Variants in CRAMP1 observed in about 807,000 individuals in gnomAD.
The protein encoded by CRAMP1 is protein cramped-like.
CRAMP1 carries 50 observed loss-of-function variants against 115.4 expected under a neutral mutation model. That is an observed-to-expected ratio of 0.43 (90% CI 0.35 to 0.55). The LOEUF (loss-of-function observed/expected upper bound fraction) is 0.55, where lower values mean the gene tolerates loss of function less well. Ranked by LOEUF, CRAMP1 falls within the 20% of genes least tolerant of loss-of-function variation. CRAMP1 has a pLI of 0.01. For synonymous variants in CRAMP1, 866 were observed against 745.4 expected (o/e 1.16, Z -2.64); for missense variants, 1,679 against 1,721.7 (o/e 0.98, Z 0.44).
At chr16:1,615,209 T>G (rs2036408171) in intron 2 of CRAMP1, among the ~76,000 whole-genome samples, 1 of 152,242 alleles carries the variant, frequency 6.6e-6, no homozygotes, top group Non-Finnish European at 1.5e-5. Flanking sequence ...GTGAGTATCC[T>G]TTTTTGGGGG....
chr16:1,633,460 C>G, intron 4 of CRAMP1, among the ~76,000 whole-genome samples: 1 of 152,272 alleles, frequency 6.6e-6, no homozygotes, highest in Admixed American at 6.5e-5. Context: ...GGGTCTGCCG[C>G]CGATGCGGTT....
At chr16:1,646,689 T>C (rs763390736) in intron 6 of CRAMP1, among the ~76,000 whole-genome samples, 1 of 152,246 alleles carries the variant, frequency 6.6e-6, no homozygotes, top group Non-Finnish European at 1.5e-5. Context: ...GTCACTGTTT[T>C]CTTCTATGGT....
At chr16:1,615,370 A>C (rs1192315985) in intron 2 of CRAMP1, among the ~76,000 whole-genome samples, 1 of 152,184 alleles carries the variant, frequency 6.6e-6, no homozygotes, top group African/African-American at 2.4e-5. Context: ...CAGGCGGTGG[A>C]AATGCACCAA....
At chr16:1,667,007 A>G (rs201751963) in intron 16 of CRAMP1, among the ~76,000 whole-genome samples, 1 of 152,160 alleles carries the variant, frequency 6.6e-6, no homozygotes, top group Non-Finnish European at 1.5e-5. Context: ...CTGGCCTCCC[A>G]CGGCCACTTC....
At chr16:1,648,983 C>A (rs1036832533) in intron 6 of CRAMP1, among the ~76,000 whole-genome samples, 1 of 151,870 alleles carries the variant, frequency 6.6e-6, no homozygotes. Flanking sequence ...GGTGTGAACC[C>A]GGCAGGCGGA....
intron 6 of CRAMP1, among the ~76,000 whole-genome samples, chr16:1,641,763 C>T (rs1021150547): frequency 2.0e-5 from 3 of 152,170 alleles, no homozygotes; most frequent in African/African-American, 4.8e-5. Flanking sequence ...GGCAGGGCCC[C>T]GCCACCCTAC....
Position 1,677,861 on chromosome 16 carries a change from C to T in CRAMP1, c.*3816C>T, listed in dbSNP as rs997686488. 1.3e-5 allele frequency: 2 copies of T among 155,936 alleles called. No homozygotes were observed. Among genetic ancestry groups the T allele is most frequent in the Non-Finnish European group, 2.8e-5 (2 of 70,316 alleles). The allele number at this position is 155,936 out of a possible 1,614,324, so 9.7% of individuals were successfully genotyped here. ...ACTTCTGTTTAAATTTCCAGTTCAA[C>T]TTGTAAATGTTTTTATTGTGCATAA... On this transcript the variant is annotated 3_prime_UTR_variant, in exon 21 of 21. Coordinates refer to ENST00000397412, the MANE Select transcript of CRAMP1 (RefSeq NM_020825.4).
chr16:1,650,624 G>A (rs892842173), intron 6 of CRAMP1, among the ~76,000 whole-genome samples: 1 of 152,170 alleles, frequency 6.6e-6, no homozygotes, highest in Non-Finnish European at 1.5e-5. Context: ...AAGTGTACAG[G>A]TACAAATATA....
intron 20 of CRAMP1, among the ~76,000 whole-genome samples, chr16:1,673,471 CCA>C (rs2036939632): frequency 8.5e-5 from 13 of 152,250 alleles, no homozygotes; most frequent in Admixed American, 8.5e-4. Context: ...CGCTCAGGTC[CCA>C]GTCCTTGGAG....
At chr16:1,651,258 G>A (rs1208024385) in intron 6 of CRAMP1, among the ~76,000 whole-genome samples, 1 of 150,774 alleles carries the variant, frequency 6.6e-6, no homozygotes. Context: ...GAGGTCACAC[G>A]GTGGACTGAG....
chr16:1,614,989 G>A lies in CRAMP1; in HGVS notation c.346+4G>A. 8.0e-7 allele frequency: 1 copy of A among 1,249,524 alleles called. No individual in the cohort carries two copies. Among genetic ancestry groups the A allele is most frequent in the Non-Finnish European group, 1.0e-6 (1 of 995,872 alleles). The allele number at this position is 1,249,524 out of a possible 1,614,324, so 77.4% of individuals were successfully genotyped here. A position where few individuals can be genotyped will look rare whatever the true frequency, so the allele number is the denominator to read the frequency against. ...GGCTCGGGGCCCCGCGGAAAAGGTA[G>A]GGCGGCCCGTCCCCTTGGGAGACCC... is the stretch of plus-strand genomic sequence containing the variant. On this transcript the variant is annotated splice_donor_region_variant and intron_variant, in intron 2 of 20. Transcript: ENST00000397412. The surrounding 1 kb of genome is among the most constrained non-coding windows in gnomAD (Gnocchi z 4.4).
chr16:1,642,755 C>T (rs546303800), intron 6 of CRAMP1, among the ~76,000 whole-genome samples: 7 of 152,360 alleles, frequency 4.6e-5, no homozygotes, highest in Non-Finnish European at 7.3e-5. Context: ...AGGATCCATA[C>T]TTGGGGCAAA....
chr16:1,645,618 C>T (rs1006363664), intron 6 of CRAMP1, among the ~76,000 whole-genome samples: 6 of 152,094 alleles, frequency 3.9e-5, no homozygotes, highest in Non-Finnish European at 5.9e-5. Flanking sequence ...ATGACATGTG[C>T]CCACCCTTCT....
Position 1,614,784 on chromosome 16 carries a change from G to A in CRAMP1, c.145G>A (p.Glu49Lys). The change falls in exon 2 of 21, where the codon GAG becomes AAG. Residue 49 changes from glutamate (E) to lysine (K), a missense_variant. Around this residue, in one of 8 missense-constraint regions of CRAMP1, gnomAD observed 264 missense variants for 229.7 expected, o/e 1.15. Coordinates refer to ENST00000397412, the MANE Select transcript of CRAMP1 (RefSeq NM_020825.4). This position sits in a 1 kb window ranked among gnomAD's most constrained non-coding sequence, Gnocchi z 4.4. ...AEESSGTKRD[E>K]KTPRAGADGP... Reference sequence around the variant, plus strand: ...GGAGAGCAGCGGCACAAAGAGGGACGAGAAGACCCCCCGGGCCGGCGCCGA... The same window carrying A: ...GGAGAGCAGCGGCACAAAGAGGGACAAGAAGACCCCCCGGGCCGGCGCCGA... The A allele has an allele frequency of 7.4e-7, 1 of 1,349,314 alleles. No homozygotes were observed. Among genetic ancestry groups the A allele is most frequent in the Non-Finnish European group, 9.6e-7 (1 of 1,041,158 alleles). The allele number at this position is 1,349,314 out of a possible 1,614,324, so 83.6% of individuals were successfully genotyped here.
Position 1,673,941 on chromosome 16 carries a change from T to C in CRAMP1, c.3706T>C (p.Phe1236Leu). 1 of 1,613,714 alleles carries C rather than the reference T, an allele frequency of 6.2e-7. No individual in the cohort carries two copies. Among genetic ancestry groups the C allele is most frequent in the Non-Finnish European group, 8.5e-7 (1 of 1,179,842 alleles). The change falls in exon 21 of 21, where the codon TTC becomes CTC. Residue 1236 changes from phenylalanine to leucine, a missense_variant. Phe to Leu is a conservative substitution (Grantham distance 22). This residue lies in a region of CRAMP1 where 709 missense variants were observed against 741.9 expected (regional missense o/e 0.96). Transcript: ENST00000397412. ...AAACAGCATTGATTACATTTCTCGGTTCAATGACCTGGCCCAAGAGCTGTC... is the reference window on the plus strand; with the variant it reads ...AAACAGCATTGATTACATTTCTCGGCTCAATGACCTGGCCCAAGAGCTGTC... Reference protein sequence around the residue: ...NENSIDYISRFNDLAQELSIA... With the variant: ...NENSIDYISRLNDLAQELSIA...
rs896418337 is a variant in CRAMP1, at chr16:1,643,198, C to G, written c.827+2011C>G. On this transcript the variant is annotated intron_variant, in intron 6 of 20. Coordinates refer to ENST00000397412, the MANE Select transcript of CRAMP1 (RefSeq NM_020825.4). ...GATGACAGGGTTGTGGCTTGCAGGA[C>G]TAGAGGTGCTGGCTAAAGTGTGCAG... is the stretch of plus-strand genomic sequence containing the variant. 7.2e-5 allele frequency among the ~76,000 whole-genome samples: 11 copies of G among 152,230 alleles called. No homozygotes were observed. In the East Asian group the frequency reaches 1.5e-3, roughly 21 times the overall value.
rs369192985 is a variant in CRAMP1 at position 1,666,493 on chromosome 16, G to T, written c.2929G>T (p.Gly977Cys). 3.7e-6 allele frequency: 6 copies of T among 1,613,936 alleles called. No individual in the cohort carries two copies. The highest frequency in any genetic ancestry group is 5.1e-6 in the Non-Finnish European group (6 of 1,179,874). The change falls in exon 16 of 21, where the codon GGC (glycine) becomes TGC (cysteine). Residue 977 changes from glycine to cysteine, a missense_variant. Around this residue, in one of 8 missense-constraint regions of CRAMP1, gnomAD observed 709 missense variants for 741.9 expected, o/e 0.96. Transcript: ENST00000397412. The surrounding 1 kb of genome is among the most constrained non-coding windows in gnomAD (Gnocchi z 5.0). The part of the protein sequence containing the change: ...GNPLPALDTE[G>C]LSGISPLSSD... Reference sequence around the variant, plus strand: ...CCCCCTCCCTGCCTTGGACACCGAGGGCTTGTCTGGCATCTCTCCACTGTC... The same window carrying T: ...CCCCCTCCCTGCCTTGGACACCGAGTGCTTGTCTGGCATCTCTCCACTGTC...
intron 2 of CRAMP1, among the ~76,000 whole-genome samples, chr16:1,616,398 C>T (rs542418385): frequency 1.3e-5 from 2 of 152,166 alleles, no homozygotes; most frequent in African/African-American, 4.8e-5. Context: ...GCTTTTCTGT[C>T]GGGTGTCCTC....
intron 17 of CRAMP1, among the ~76,000 whole-genome samples, chr16:1,667,748 C>A (rs2036888461): frequency 6.6e-6 from 1 of 152,166 alleles, no homozygotes; most frequent in Admixed American, 6.5e-5. Flanking sequence ...CAGGTCCAGG[C>A]CACTGCAGCC....
Sources: gnomAD v4.1 joint callset for allele counts (sites outside exome capture counted in the v4.1 genomes callset) on GRCh38, gnomAD v4.1.1 for gene constraint, gnomAD v4.1.1 regional missense constraint, Gnocchi (gnomAD v3.1) non-coding constraint, MANE v1.5 for transcripts, NCBI Gene and HGNC (gene_info 2026-07-23, HGNC 2026-07-21) for gene names.